CFAP44: variants seen among roughly 807,000 people sequenced by gnomAD.
CFAP44 encodes the protein cilia- and flagella-associated protein 44.
Under a neutral mutation model 216.2 loss-of-function variants are expected in CFAP44, and 134 were observed. The ratio of observed to expected loss-of-function variants is 0.62; its 90% CI spans 0.54 to 0.72. The LOEUF (loss-of-function observed/expected upper bound fraction) is 0.72. CFAP44 is among the 30% of genes least tolerant of loss of function. The probability of loss-of-function intolerance (pLI) is 0.00; values close to 1 mark genes in which losing one functional copy is unlikely to be tolerated. For missense variants in CFAP44, 2,035 were observed against 2,182.1 expected (o/e 0.93, Z 1.34); for synonymous variants, 700 against 727.6 (o/e 0.96, Z 0.61).
At chr3:113,379,160 C>A (rs1185895268) in intron 17 of CFAP44, 146 bp downstream of exon 17, 2 of 604,770 alleles carry the variant, frequency 3.3e-6, no homozygotes, top group Non-Finnish European at 5.1e-6. Context: ...AAACTCACGA[C>A]TTCAATAGTA....
chr3:113,332,310 AAC>A (rs982377360), intron 25 of CFAP44, among the ~76,000 whole-genome samples: 1 of 152,196 alleles, frequency 6.6e-6, no homozygotes, highest in Non-Finnish European at 1.5e-5. Flanking sequence ...TTTGATGAGA[AAC>A]ACACAGTTAT....
chr3:113,384,373 T>A lies in CFAP44; in HGVS notation c.1891-3313A>T, dbSNP rs547091216. 1.3e-4 allele frequency among the ~76,000 whole-genome samples: 20 copies of A among 152,252 alleles called. 1 individual carries two copies. The South Asian group carries it at 4.2e-3, about 32-fold the overall frequency. The stretch of plus-strand genomic sequence containing the variant: ...CATAACTGGCCCCAAATAGTTGACT[T>A]TTAAGCTTGAGCTCTTATAGTTGTT... On this transcript the variant is annotated intron_variant, in intron 15 of 34. Transcript: ENST00000393845.
intron 24 of CFAP44, among the ~76,000 whole-genome samples, chr3:113,334,978 A>G (rs956031879): frequency 6.6e-6 from 1 of 152,184 alleles, no homozygotes; most frequent in African/African-American, 2.4e-5. Flanking sequence ...ACTGATAATC[A>G]TTTATTTGTG....
At chr3:113,304,501 T>A (rs1002565123) in intron 31 of CFAP44, among the ~76,000 whole-genome samples, 6 of 152,244 alleles carry the variant, frequency 3.9e-5, no homozygotes, top group Non-Finnish European at 8.8e-5. Context: ...TACAGCTTTT[T>A]CTCTTAACCT....
chr3:113,296,648 G>C, intron 33 of CFAP44, 77 bp downstream of exon 33: 1 of 1,477,430 alleles, frequency 6.8e-7, no homozygotes, highest in Non-Finnish European at 9.1e-7. Context: ...ATGCTTCATG[G>C]GTACCACTTC....
chr3:113,379,189 A>AG lies in CFAP44; in HGVS notation c.2298+116_2298+117insC, dbSNP rs1463001655. 5 of 836,038 alleles carry AG rather than the reference A, an allele frequency of 6.0e-6. No individual in the cohort carries two copies. In the Admixed American group the frequency reaches 1.9e-4, roughly 31 times the overall value. 51.8% of individuals were successfully genotyped at this position (836,038 alleles called of 1,614,324 possible). ...AATAGTATTTAATAAATGAAATCTA[A>AG]AAAAAAATAAATAGATAAATGAAAT... On this transcript the variant is annotated intron_variant, in intron 17 of 34. Transcript: ENST00000393845.
In CFAP44 at chr3:113,409,100, A is replaced by T; in HGVS notation, c.890+6T>A. The stretch of plus-strand genomic sequence containing the variant: ...TACTGGCACCTCTATTGGTTACCCA[A>T]CCTACTTGATGTGGCCTGATCCCGA... On this transcript the variant is annotated splice_donor_region_variant and intron_variant, in intron 7 of 34. Coordinates refer to ENST00000393845, the MANE Select transcript of CFAP44 (RefSeq NM_001164496.2). 6.2e-7 allele frequency: 1 copy of T among 1,611,754 alleles called. No individual in the cohort carries two copies. Among genetic ancestry groups the T allele is most frequent in the Non-Finnish European group, 8.5e-7 (1 of 1,178,944 alleles).
intron 32 of CFAP44, among the ~76,000 whole-genome samples, chr3:113,302,450 G>T (rs1949944368): frequency 2.5e-5 from 2 of 80,154 alleles, no homozygotes; most frequent in Non-Finnish European, 2.4e-5. Flanking sequence ...AGATACACTA[G>T]ACAAAGTAAA....
intron 15 of CFAP44, among the ~76,000 whole-genome samples, chr3:113,383,220 A>G (rs1220365394): frequency 6.6e-6 from 1 of 152,250 alleles, no homozygotes; most frequent in African/African-American, 2.4e-5. Flanking sequence ...ATAGAATACC[A>G]TAAACTAAGT....
In CFAP44 at chr3:113,330,295, G is replaced by A. The variant is rs1419209427; in HGVS notation, c.3989C>T (p.Ser1330Leu). The A allele has an allele frequency of 3.3e-6, 5 of 1,537,132 alleles. No individual in the cohort carries two copies. In the African/African-American group the frequency reaches 5.5e-5, roughly 17 times the overall value. The change falls in exon 26 of 35, where the codon TCA becomes TTA. Residue 1330 changes from serine to leucine, a missense_variant. Physicochemically the swap from Ser to Leu is moderately radical, Grantham distance 145. Around this residue, in one of 3 missense-constraint regions of CFAP44, gnomAD observed 1,883 missense variants for 2,023.7 expected, o/e 0.93. Transcript: ENST00000393845. ...CTTTGGTATATCTAGGCTGAATGTT[G>A]ATGCCTTTGATGATCTAGATATTGA... ...RDSISRSSKA[S>L]TFSLDIPKCL...
At chr3:113,317,987 A>T (rs1422497764) in intron 28 of CFAP44, among the ~76,000 whole-genome samples, 3 of 151,592 alleles carry the variant, frequency 2.0e-5, no homozygotes, top group Admixed American at 2.0e-4. Context: ...ACCTGCAAAC[A>T]CTAGGAAATA....
intron 15 of CFAP44, among the ~76,000 whole-genome samples, chr3:113,394,266 C>A (rs1320123169): frequency 7.2e-5 from 11 of 152,110 alleles, no homozygotes; most frequent in Non-Finnish European, 1.5e-4. Flanking sequence ...TATACCATCA[C>A]CACAAAGGTC....
At chr3:113,386,046 T>G (rs930315620) in intron 15 of CFAP44, among the ~76,000 whole-genome samples, 4 of 152,226 alleles carry the variant, frequency 2.6e-5, no homozygotes, top group African/African-American at 9.6e-5. Flanking sequence ...TCCCTTCATC[T>G]TTCTCAATGT....
chr3:113,416,724 AT>A, intron 5 of CFAP44, 97 bp from the exon 6 acceptor site: 1 of 875,726 alleles, frequency 1.1e-6, no homozygotes, highest in Non-Finnish European at 1.7e-6. Context: ...TTCATAATTT[AT>A]TAGGCTTTAC....
At chr3:113,365,524 C>A (rs555056989) in intron 19 of CFAP44, among the ~76,000 whole-genome samples, 5 of 152,228 alleles carry the variant, frequency 3.3e-5, no homozygotes, top group African/African-American at 1.2e-4. Context: ...CCTCAAACTT[C>A]ATCATAAAGC....
At chr3:113,376,271 T>C (rs1933341735) in intron 17 of CFAP44, among the ~76,000 whole-genome samples, 1 of 152,202 alleles carries the variant, frequency 6.6e-6, no homozygotes, top group Admixed American at 6.5e-5. Context: ...ATGGGACATG[T>C]ATGGTTTAAA....
chr3:113,402,659 C>T (rs565349821), intron 9 of CFAP44, among the ~76,000 whole-genome samples: 1 of 152,128 alleles, frequency 6.6e-6, no homozygotes, highest in Non-Finnish European at 1.5e-5. Flanking sequence ...TCAGACTAAC[C>T]CCTGGGAGTT....
At chr3:113,426,575 G>A in intron 3 of CFAP44, 1 of 271,584 alleles carries the variant, frequency 3.7e-6, no homozygotes, top group Non-Finnish European at 7.0e-6. Flanking sequence ...AGTTTCCTGA[G>A]GCCTCCCCAG....
chr3:113,359,008 G>A, intron 21 of CFAP44, 133 bp from the exon 22 acceptor site: 1 of 1,062,492 alleles, frequency 9.4e-7, no homozygotes. Flanking sequence ...CATTACAAAA[G>A]AAAAACAGCT....
Sources: gnomAD v4.1 joint callset for allele counts (sites outside exome capture counted in the v4.1 genomes callset) on GRCh38, gnomAD v4.1.1 for gene constraint, gnomAD v4.1.1 regional missense constraint, MANE v1.5 for transcripts, NCBI Gene and HGNC (gene_info 2026-07-23, HGNC 2026-07-21) for gene names.